LHFPL3: variants seen among roughly 807,000 people sequenced by gnomAD.
The protein encoded by LHFPL3 is LHFPL tetraspan subfamily member 3 protein.
Under a neutral mutation model 19.3 loss-of-function variants are expected in LHFPL3, and 5 were observed. The observed-to-expected ratio is 0.26, with a 90% CI of 0.14 to 0.54. The LOEUF (loss-of-function observed/expected upper bound fraction) is 0.54, where lower values mean the gene tolerates loss of function less well. Ranked by LOEUF, LHFPL3 falls within the 20% of genes least tolerant of loss-of-function variation. LHFPL3 has a pLI of 0.94. For missense variants in LHFPL3, 249 were observed against 307.4 expected, an observed-to-expected ratio of 0.81 and a Z score of 1.42; for synonymous variants, 133 against 126.2, an observed-to-expected ratio of 1.05 and a Z score of -0.36.
At chr7:104,515,365 T>C (rs1183030502) in intron 1 of LHFPL3, among the ~76,000 whole-genome samples, 1 of 152,192 alleles carries the variant, frequency 6.6e-6, no homozygotes, top group East Asian at 1.9e-4. Flanking sequence ...TGTCACTTTT[T>C]AGCTATAATT....
At chr7:104,575,446 A>G (rs1208555879) in intron 1 of LHFPL3, among the ~76,000 whole-genome samples, 1 of 151,892 alleles carries the variant, frequency 6.6e-6, no homozygotes, top group African/African-American at 2.4e-5. Context: ...GACGCTTCTG[A>G]CCATAAAATT....
chr7:104,827,777 A>G (rs1790853976), intron 2 of LHFPL3, among the ~76,000 whole-genome samples: 1 of 151,876 alleles, frequency 6.6e-6, no homozygotes, highest in Non-Finnish European at 1.5e-5. Flanking sequence ...AAAAACAAAA[A>G]AGTTATTTTG....
At chr7:104,870,879 G>A (rs1791822143) in intron 2 of LHFPL3, among the ~76,000 whole-genome samples, 1 of 152,146 alleles carries the variant, frequency 6.6e-6, no homozygotes, top group African/African-American at 2.4e-5. Context: ...TAAAGAGGAG[G>A]AAAGGATCTC....
chr7:104,581,414 G>T (rs979204638), intron 1 of LHFPL3, among the ~76,000 whole-genome samples: 2 of 151,968 alleles, frequency 1.3e-5, no homozygotes, highest in Non-Finnish European at 1.5e-5. Flanking sequence ...GTTTTTGTTA[G>T]ATATATGTTT....
intron 1 of LHFPL3, among the ~76,000 whole-genome samples, chr7:104,390,697 C>T (rs1437426840): frequency 6.6e-6 from 1 of 152,072 alleles, no homozygotes; most frequent in African/African-American, 2.4e-5. Flanking sequence ...GGGTATATAC[C>T]CAGTAATGGG....
chr7:104,341,694 A>C (rs1789956502), intron 1 of LHFPL3, among the ~76,000 whole-genome samples: 2 of 152,128 alleles, frequency 1.3e-5, no homozygotes, highest in African/African-American at 2.4e-5. Flanking sequence ...GTCAGGATCC[A>C]CCAGCCCCAG....
At chr7:104,801,312 C>A (rs748035761) in intron 2 of LHFPL3, among the ~76,000 whole-genome samples, 1 of 152,092 alleles carries the variant, frequency 6.6e-6, no homozygotes, top group Non-Finnish European at 1.5e-5. Context: ...AGGGCTCTCA[C>A]AATAGGACCA....
At chr7:104,878,395 A>G (rs1258273152) in intron 2 of LHFPL3, among the ~76,000 whole-genome samples, 3 of 152,106 alleles carry the variant, frequency 2.0e-5, no homozygotes, top group Admixed American at 2.0e-4. Flanking sequence ...TAATATGTCA[A>G]ACATTTTCAT....
At chr7:104,738,820 T>C (rs1793878979) in intron 2 of LHFPL3, 1 of 152,168 alleles carries the variant, frequency 6.6e-6, no homozygotes, top group Non-Finnish European at 1.5e-5. Context: ...AGCATCGTGT[T>C]CCGTCAGTGA....
intron 2 of LHFPL3, among the ~76,000 whole-genome samples, chr7:104,878,719 G>A (rs1349184336): frequency 6.6e-6 from 1 of 152,154 alleles, no homozygotes; most frequent in Non-Finnish European, 1.5e-5. Context: ...TTTAGTGAAG[G>A]CATGCCGAAA....
intron 2 of LHFPL3, among the ~76,000 whole-genome samples, chr7:104,867,456 G>A (rs1258518835): frequency 1.3e-5 from 2 of 152,190 alleles, no homozygotes; most frequent in Non-Finnish European, 2.9e-5. Context: ...ACAACTCTAT[G>A]CAAATAAACT....
chr7:104,728,679 T>G (rs1412459601), intron 1 of LHFPL3, among the ~76,000 whole-genome samples: 1 of 152,226 alleles, frequency 6.6e-6, no homozygotes. Context: ...GCCTTTAGTT[T>G]CTTTCCTAGT....
At chr7:104,786,689 G>GGCGTGT (rs1554344743) in intron 2 of LHFPL3, 1 of 129,876 alleles carries the variant, frequency 7.7e-6, no homozygotes, top group Non-Finnish European at 1.7e-5. Context: ...GTGTGTGTGG[G>GGCGTGT]GTGTGTGTGT....
At chr7:104,397,294 C>T (rs1018444014) in intron 1 of LHFPL3, among the ~76,000 whole-genome samples, 1 of 152,098 alleles carries the variant, frequency 6.6e-6, no homozygotes, top group African/African-American at 2.4e-5. Flanking sequence ...CTGTTAGCCC[C>T]AAAAGTAGAG....
At chr7:104,676,340 C>T (rs920608418) in intron 1 of LHFPL3, among the ~76,000 whole-genome samples, 4 of 152,140 alleles carry the variant, frequency 2.6e-5, no homozygotes, top group African/African-American at 9.7e-5. Flanking sequence ...TCAATAGAGG[C>T]CTATACATAT....
intron 1 of LHFPL3, among the ~76,000 whole-genome samples, chr7:104,366,671 A>G (rs1335422508): frequency 6.6e-6 from 1 of 152,114 alleles, no homozygotes; most frequent in African/African-American, 2.4e-5. Context: ...CTTCTATAGG[A>G]TGGGTTTCTG....
At chr7:104,681,721 G>T (rs891833401) in intron 1 of LHFPL3, among the ~76,000 whole-genome samples, 3 of 152,144 alleles carry the variant, frequency 2.0e-5, no homozygotes, top group Non-Finnish European at 2.9e-5. Context: ...AGGGTATTGA[G>T]ACTTAGAGAG....
intron 1 of LHFPL3, among the ~76,000 whole-genome samples, chr7:104,422,542 T>G (rs1157108247): frequency 6.6e-6 from 1 of 152,212 alleles, no homozygotes; most frequent in Admixed American, 6.5e-5. Context: ...ATTGATTTAT[T>G]TCAACTAGCA....
At chr7:104,779,351 G>A (rs1428492314) in intron 2 of LHFPL3, among the ~76,000 whole-genome samples, 1 of 152,152 alleles carries the variant, frequency 6.6e-6, no homozygotes, top group Non-Finnish European at 1.5e-5. Flanking sequence ...AAGCTCCTGA[G>A]GGCAGGGAAA....
Sources: allele counts gnomAD v4.1 joint callset (sites outside exome capture counted in the v4.1 genomes callset), GRCh38; gene constraint gnomAD v4.1.1; transcripts MANE v1.5; gene names NCBI Gene and HGNC (gene_info 2026-07-23, HGNC 2026-07-21).